COMMD10: variants seen among roughly 807,000 people sequenced by gnomAD.
COMMD10 encodes the protein COMM domain containing 10, also known as COMM domain-containing protein 10.
COMMD10 carries 33 observed loss-of-function variants against 28.9 expected under a neutral mutation model. The observed-to-expected ratio is 1.14, with a 90% CI of 0.87 to 1.53. The LOEUF (loss-of-function observed/expected upper bound fraction) is 1.53. Ranked by LOEUF, COMMD10 falls within the 40% of genes most tolerant of loss-of-function variation. The pLI, the probability that COMMD10 is intolerant of heterozygous loss-of-function variation, is 0.00. For missense variants in COMMD10, 310 were observed against 233.4 expected, an observed-to-expected ratio of 1.33 and a Z score of -2.14; for synonymous variants, 110 against 81.7, an observed-to-expected ratio of 1.35 and a Z score of -1.87.
intron 5 of COMMD10, among the ~76,000 whole-genome samples, chr5:116,223,611 T>A (rs1749319844): frequency 1.3e-5 from 2 of 152,114 alleles, no homozygotes. Flanking sequence ...CGGGAAAAAT[T>A]TGTGCCAGAC....
At chr5:116,189,693 T>G (rs1469230065) in intron 5 of COMMD10, among the ~76,000 whole-genome samples, 1 of 151,302 alleles carries the variant, frequency 6.6e-6, no homozygotes, top group Non-Finnish European at 1.5e-5. Context: ...ACCCTAAATT[T>G]CAGTTAACAC....
At chr5:116,196,509 A>T (rs951229313) in intron 5 of COMMD10, among the ~76,000 whole-genome samples, 4 of 73,274 alleles carry the variant, frequency 5.5e-5, no homozygotes, top group African/African-American at 2.1e-4. Flanking sequence ...TAAATATGTT[A>T]AAAAAAAAAA....
intron 5 of COMMD10, among the ~76,000 whole-genome samples, chr5:116,262,761 T>A (rs1371327209): frequency 2.0e-5 from 3 of 151,802 alleles, no homozygotes; most frequent in African/African-American, 7.3e-5. Flanking sequence ...CATTACTCAT[T>A]CCCAAAATGA....
Position 116,242,847 on chromosome 5 carries a change from A to G in COMMD10, c.511-48670A>G, listed in dbSNP as rs1749847221. Among the ~76,000 whole-genome samples, 3 of 152,160 alleles carry G rather than the reference A, an allele frequency of 2.0e-5. No individual in the cohort carries two copies. The South Asian group carries it at 6.2e-4, about 32-fold the overall frequency. On this transcript the variant is annotated intron_variant, in intron 5 of 6. Coordinates refer to ENST00000274458, the MANE Select transcript of COMMD10 (RefSeq NM_016144.4). Reference sequence around the variant, plus strand: ...AAAGTGGTATTAAGCTAATATAAGAAAAGTAAATAATAATCGTTGGATAGG... The same window carrying G: ...AAAGTGGTATTAAGCTAATATAAGAGAAGTAAATAATAATCGTTGGATAGG...
intron 4 of COMMD10, among the ~76,000 whole-genome samples, chr5:116,115,983 A>C (rs1003665604): frequency 6.6e-6 from 1 of 152,122 alleles, no homozygotes; most frequent in Admixed American, 6.5e-5. Flanking sequence ...GTCTAGTTTG[A>C]ATGTTTAGAA....
intron 5 of COMMD10, among the ~76,000 whole-genome samples, chr5:116,148,790 T>A (rs1224500746): frequency 6.6e-6 from 1 of 151,864 alleles, no homozygotes; most frequent in African/African-American, 2.4e-5. Context: ...ACCTGAAGAA[T>A]GGGAGAACAC....
chr5:116,114,045 A>G (rs1751149295), intron 4 of COMMD10, among the ~76,000 whole-genome samples: 1 of 151,786 alleles, frequency 6.6e-6, no homozygotes, highest in South Asian at 2.1e-4. Context: ...CTTGGCTATA[A>G]ATATTGTTAT....
intron 5 of COMMD10, among the ~76,000 whole-genome samples, chr5:116,258,806 C>G (rs1223473488): frequency 2.6e-5 from 4 of 151,520 alleles, no homozygotes; most frequent in Non-Finnish European, 1.5e-5. Flanking sequence ...TGCTTTGCCT[C>G]ATCTGCCTCT....
At chr5:116,088,485 G>T (rs903820266) in intron 2 of COMMD10, among the ~76,000 whole-genome samples, 8 of 152,050 alleles carry the variant, frequency 5.3e-5, no homozygotes, top group Non-Finnish European at 7.4e-5. Flanking sequence ...ATTTTTTACA[G>T]TGTTCAAAGC....
At chr5:116,125,992 C>A (rs903013237) in intron 4 of COMMD10, among the ~76,000 whole-genome samples, 1 of 152,146 alleles carries the variant, frequency 6.6e-6, no homozygotes, top group Non-Finnish European at 1.5e-5. Flanking sequence ...CAAATTTTCC[C>A]TGTTTGCAGA....
At position 116,225,353 on chromosome 5, in the gene COMMD10, G is replaced by GTTTTTTT. The variant is rs143964154; in HGVS notation, c.511-66164_511-66163insTTTTTTT. Among the ~76,000 whole-genome samples the GTTTTTTT allele has an allele frequency of 6.9e-5, 8 of 116,498 alleles. 1 individual carries two copies. Among genetic ancestry groups the GTTTTTTT allele is most frequent in the Admixed American group, 9.2e-5 (1 of 10,916 alleles). The allele number at this position is 116,498 out of a possible 152,430, so 76.4% of individuals were successfully genotyped here. On this transcript the variant is annotated intron_variant, in intron 5 of 6. Transcript: ENST00000274458. The stretch of plus-strand genomic sequence containing the variant: ...AGACTTTCCTGTTTGTTTTTTTGGG[G>GTTTTTTT]ATTTTTTTTTTTTTTTTTGCATATG...
At chr5:116,226,144 C>T (rs899080839) in intron 5 of COMMD10, among the ~76,000 whole-genome samples, 7 of 151,816 alleles carry the variant, frequency 4.6e-5, no homozygotes, top group African/African-American at 1.7e-4. Flanking sequence ...CTCTCTTCAG[C>T]CTTATGTCTG....
intron 5 of COMMD10, among the ~76,000 whole-genome samples, chr5:116,169,370 A>G (rs1753242534): frequency 6.6e-6 from 1 of 152,078 alleles, no homozygotes; most frequent in African/African-American, 2.4e-5. Flanking sequence ...CTACCAACCA[A>G]AAAAAAGCCC....
intron 5 of COMMD10, among the ~76,000 whole-genome samples, chr5:116,174,469 A>G (rs1241174880): frequency 1.3e-5 from 2 of 152,206 alleles, no homozygotes; most frequent in Non-Finnish European, 2.9e-5. Context: ...AAGGATCACT[A>G]TAGCTACTGC....
At chr5:116,102,478 G>T (rs1750696392) in intron 4 of COMMD10, among the ~76,000 whole-genome samples, 1 of 152,094 alleles carries the variant, frequency 6.6e-6, no homozygotes, top group Admixed American at 6.6e-5. Flanking sequence ...TTAATTTGAA[G>T]TCAGAGAGTG....
chr5:116,206,379 G>A lies in COMMD10; in HGVS notation c.510+72201G>A, dbSNP rs532562881. 4.6e-5 allele frequency among the ~76,000 whole-genome samples: 7 copies of A among 152,150 alleles called. No individual in the cohort carries two copies. The South Asian group carries it at 6.2e-4, about 14-fold the overall frequency. On this transcript the variant is annotated intron_variant, in intron 5 of 6. Coordinates refer to ENST00000274458, the MANE Select transcript of COMMD10 (RefSeq NM_016144.4). ...GACATTGGAGACGGTGGTCGGGCACGGTGGCTCATGCTTGTAATCCCAGCA... is the reference window on the plus strand; with the variant it reads ...GACATTGGAGACGGTGGTCGGGCACAGTGGCTCATGCTTGTAATCCCAGCA...
In COMMD10 at chr5:116,092,552, A is replaced by G. The variant is rs759398485; in HGVS notation, c.251A>G (p.Tyr84Cys). The stretch of plus-strand genomic sequence containing the variant: ...TTTGTTTCTTTTTAATAGGCAGTGT[A>G]TCACAATGTGAAGCCAGCAGCTTTG... ...TISFILEQAV[Y>C]HNVKPAALQQ... Residue 84 changes from tyrosine (Y) to cysteine (C), a missense_variant, in exon 4 of 7, where the codon TAT becomes TGT. Transcript: ENST00000274458. 6.3e-6 allele frequency: 10 copies of G among 1,596,106 alleles called. No individual in the cohort carries two copies. The Admixed American group carries it at 1.2e-4, about 20-fold the overall frequency.
At chr5:116,115,699 CTTT>C (rs1173695461) in intron 4 of COMMD10, among the ~76,000 whole-genome samples, 2 of 152,066 alleles carry the variant, frequency 1.3e-5, no homozygotes. Context: ...ATTTGGAGCT[CTTT>C]TACGTGTATT....
At chr5:116,263,359 C>G (rs978555557) in intron 5 of COMMD10, among the ~76,000 whole-genome samples, 1 of 151,720 alleles carries the variant, frequency 6.6e-6, no homozygotes, top group Non-Finnish European at 1.5e-5. Context: ...TTCAATCTGA[C>G]TCTGGCATAA....
Sources: gnomAD v4.1 joint callset for allele counts (sites outside exome capture counted in the v4.1 genomes callset) on GRCh38, gnomAD v4.1.1 for gene constraint, MANE v1.5 for transcripts, NCBI Gene and HGNC (gene_info 2026-07-23, HGNC 2026-07-21) for gene names.